The following COL21A1 variants were observed in gnomAD, a reference collection of about 807,000 sequenced individuals.
The protein encoded by COL21A1 is collagen alpha-1(XXI) chain.
A neutral mutation model predicts 137.9 loss-of-function variants in COL21A1; 149 were observed. That is an observed-to-expected ratio of 1.08 (90% CI 0.95 to 1.24). The LOEUF is 1.24. Among genes scored for constraint, COL21A1 ranks in the 50% most tolerant of loss-of-function variants. The probability of loss-of-function intolerance (pLI) is 0.00; values close to 1 mark genes in which losing one functional copy is unlikely to be tolerated. For missense variants in COL21A1, 1,167 were observed against 1,158.4 expected (o/e 1.01, Z -0.11); for synonymous variants, 456 against 391.5 (o/e 1.16, Z -1.95).
chr6:56,276,771 G>T, intron 1 of COL21A1: 1 of 1,188,326 alleles, frequency 8.4e-7, no homozygotes, highest in Non-Finnish European at 1.2e-6. Context: ...TACTTTATTT[G>T]CTAATTCTGG....
chr6:56,079,590 C>A (rs542254652), intron 17 of COL21A1, among the ~76,000 whole-genome samples: 58 of 151,704 alleles, frequency 3.8e-4, no homozygotes, highest in Middle Eastern at 3.4e-3. Context: ...TGGATTTGAT[C>A]TGACACTCTT....
At chr6:56,288,376 T>C (rs1414446493) in intron 1 of COL21A1, among the ~76,000 whole-genome samples, 1 of 152,122 alleles carries the variant, frequency 6.6e-6, no homozygotes, top group Non-Finnish European at 1.5e-5. Flanking sequence ...ACACTTTAAA[T>C]ACAAATAAAG....
intron 1 of COL21A1, among the ~76,000 whole-genome samples, chr6:56,365,435 T>C (rs1278461299): frequency 6.6e-6 from 1 of 152,194 alleles, no homozygotes; most frequent in Non-Finnish European, 1.5e-5. Flanking sequence ...AAGAATAGTT[T>C]AATATAAATA....
intron 10 of COL21A1, among the ~76,000 whole-genome samples, chr6:56,151,446 T>G (rs1415162974): frequency 1.3e-5 from 2 of 152,166 alleles, no homozygotes; most frequent in East Asian, 3.8e-4. Context: ...CTACCTCTTT[T>G]GTAATGTTAA....
At chr6:56,270,374 T>C (rs1763498318) in intron 1 of COL21A1, among the ~76,000 whole-genome samples, 1 of 152,192 alleles carries the variant, frequency 6.6e-6, no homozygotes, top group African/African-American at 2.4e-5. Context: ...TTAACTGTTG[T>C]AAATATACAT....
intron 1 of COL21A1, among the ~76,000 whole-genome samples, chr6:56,205,442 G>A (rs183418038): frequency 6.6e-6 from 1 of 152,262 alleles, no homozygotes; most frequent in Admixed American, 6.5e-5. Context: ...AGAAAAAAGA[G>A]TGAAAAGAGA....
At chr6:56,230,425 A>T (rs900084068) in intron 1 of COL21A1, among the ~76,000 whole-genome samples, 1 of 151,972 alleles carries the variant, frequency 6.6e-6, no homozygotes, top group Non-Finnish European at 1.5e-5. Context: ...AAATAAAAAA[A>T]GTCAAGTTTC....
At chr6:56,303,943 G>T (rs377688062) in intron 1 of COL21A1, among the ~76,000 whole-genome samples, 5 of 152,112 alleles carry the variant, frequency 3.3e-5, no homozygotes, top group African/African-American at 9.7e-5. Flanking sequence ...TAGCATGAAG[G>T]GTTGTTGAGT....
chr6:56,201,622 C>A (rs558737180), intron 1 of COL21A1, among the ~76,000 whole-genome samples: 1 of 151,680 alleles, frequency 6.6e-6, no homozygotes, highest in African/African-American at 2.4e-5. Context: ...TGTAGATATG[C>A]GGCATTTAAA....
At chr6:56,279,295 AT>A (rs1478413485) in intron 1 of COL21A1, among the ~76,000 whole-genome samples, 1 of 152,066 alleles carries the variant, frequency 6.6e-6, no homozygotes, top group South Asian at 2.1e-4. Flanking sequence ...TGCCAGCATA[AT>A]TTTTCCTGTA....
chr6:56,185,596 C>T (rs1315399769), intron 1 of COL21A1, among the ~76,000 whole-genome samples: 53 of 149,990 alleles, frequency 3.5e-4, no homozygotes, highest in African/African-American at 6.6e-4. Flanking sequence ...CCACTACGCC[C>T]GGCTAATTTT....
At chr6:56,282,816 A>G (rs915569864) in intron 1 of COL21A1, among the ~76,000 whole-genome samples, 13 of 152,242 alleles carry the variant, frequency 8.5e-5, no homozygotes, top group Non-Finnish European at 1.8e-4. Flanking sequence ...ATCATTTCTT[A>G]TCCAGTATGT....
chr6:56,332,685 T>C (rs1159716052), intron 1 of COL21A1, among the ~76,000 whole-genome samples: 1 of 151,794 alleles, frequency 6.6e-6, no homozygotes, highest in Middle Eastern at 3.2e-3. Flanking sequence ...CTAGGTTATA[T>C]GTTTTTTTTT....
chr6:56,160,785 A>C (rs989023005), intron 9 of COL21A1, among the ~76,000 whole-genome samples: 1 of 152,244 alleles, frequency 6.6e-6, no homozygotes, highest in African/African-American at 2.4e-5. Context: ...AATATAAATA[A>C]AGTAAGAAAA....
chr6:56,224,912 C>T (rs1159069747), intron 1 of COL21A1, among the ~76,000 whole-genome samples: 1 of 152,046 alleles, frequency 6.6e-6, no homozygotes, highest in Admixed American at 6.6e-5. Flanking sequence ...TACCTCTCAT[C>T]ATCAAACTCA....
At chr6:56,353,668 T>C (rs1390811218) in intron 1 of COL21A1, among the ~76,000 whole-genome samples, 1 of 152,248 alleles carries the variant, frequency 6.6e-6, no homozygotes, top group Non-Finnish European at 1.5e-5. Context: ...CCAATAGTTG[T>C]TTCCATATGG....
intron 1 of COL21A1, among the ~76,000 whole-genome samples, chr6:56,191,440 A>C (rs188836290): frequency 1.3e-5 from 2 of 151,782 alleles, no homozygotes; most frequent in African/African-American, 4.8e-5. Context: ...AAAAAAAAAA[A>C]AAAAAGTCGG....
intron 12 of COL21A1, among the ~76,000 whole-genome samples, chr6:56,133,395 G>C (rs1362235547): frequency 6.6e-6 from 1 of 152,150 alleles, no homozygotes; most frequent in East Asian, 1.9e-4. Flanking sequence ...AAATTTCTAA[G>C]GAGCAAGGCA....
intron 1 of COL21A1, among the ~76,000 whole-genome samples, chr6:56,306,690 C>T (rs4533981): frequency 0.76 from 114,725 of 151,916 alleles, 45,322 homozygotes; most frequent in South Asian, 0.89. Flanking sequence ...CCTCCTTTAG[C>T]TCAGAGTAGT....
Sources: gnomAD v4.1 joint callset for allele counts (sites outside exome capture counted in the v4.1 genomes callset) on GRCh38, gnomAD v4.1.1 for gene constraint, MANE v1.5 for transcripts, NCBI Gene and HGNC (gene_info 2026-07-23, HGNC 2026-07-21) for gene names.